PTPRR: variants seen among roughly 807,000 people sequenced by gnomAD.
PTPRR encodes the protein receptor-type tyrosine-protein phosphatase R.
In PTPRR, 38 loss-of-function variants were observed where a neutral mutation model predicts 77.2. The observed-to-expected ratio is 0.49, with a 90% confidence interval of 0.38 to 0.65. The LOEUF is 0.65. PTPRR is among the 30% of genes least tolerant of loss of function. PTPRR has a pLI of 0.00. For missense variants in PTPRR, 744 were observed against 799.2 expected (o/e 0.93, Z 0.83); for synonymous variants, 299 against 283.1 (o/e 1.06, Z -0.57).
rs569672946 is a variant in PTPRR, at chr12:70,920,626, T to C, written c.-236A>G. ...TTGCGGGTAAGGGGAACAGAAGCGCTCAGAGGCGGCAAATGCCTGGCCTTC... is the reference window on the plus strand; with the variant it reads ...TTGCGGGTAAGGGGAACAGAAGCGCCCAGAGGCGGCAAATGCCTGGCCTTC... On this transcript the variant is annotated 5_prime_UTR_variant, in exon 1 of 14. Transcript: ENST00000283228. 2.2e-6 allele frequency: 1 copy of C among 452,302 alleles called. No homozygotes were observed. Among genetic ancestry groups the C allele is most frequent in the South Asian group, 2.6e-5 (1 of 39,168 alleles). 28.0% of individuals were successfully genotyped at this position (452,302 alleles called of 1,614,324 possible).
Position 70,866,492 on chromosome 12 carries a change from A to T in PTPRR, c.357+26187T>A, listed in dbSNP as rs993657526. ...CCAAGACTAAACCAGGAAGAAGTTG[A>T]ATCCCTGAATAGACCAATAACAGGC... On this transcript the variant is annotated intron_variant, in intron 2 of 13. Transcript: ENST00000283228. Among the ~76,000 whole-genome samples the T allele has an allele frequency of 6.6e-5, 10 of 152,314 alleles. No homozygotes were observed. The East Asian group carries it at 1.5e-3, about 24-fold the overall frequency.
chr12:70,899,726 A>C (rs1038048179), intron 1 of PTPRR, among the ~76,000 whole-genome samples: 1 of 151,326 alleles, frequency 6.6e-6, no homozygotes, highest in African/African-American at 2.4e-5. Context: ...GAGACAAAGA[A>C]AAGGAGCAAA....
intron 8 of PTPRR, among the ~76,000 whole-genome samples, chr12:70,691,041 A>G (rs1888037872): frequency 6.6e-6 from 1 of 152,110 alleles, no homozygotes; most frequent in African/African-American, 2.4e-5. Context: ...GGTCAGTTCT[A>G]TATATCCTTC....
chr12:70,847,204 A>G (rs182489861), intron 2 of PTPRR, among the ~76,000 whole-genome samples: 27 of 152,336 alleles, frequency 1.8e-4, no homozygotes, highest in Middle Eastern at 6.8e-3. Flanking sequence ...AATGGTGCCT[A>G]TATCACAGGA....
At chr12:70,890,866 G>C (rs927001598) in intron 2 of PTPRR, among the ~76,000 whole-genome samples, 1 of 152,040 alleles carries the variant, frequency 6.6e-6, no homozygotes. Context: ...TCCATTTTCT[G>C]TATGGAATGG....
rs908933295 is a variant in PTPRR, at chr12:70,787,970, A to G, written c.358-23192T>C. Reference sequence around the variant, plus strand: ...TATTGTTTTTAAATATTGAAACTAAATTCTTATTTTTAATCTTTGTTGTCC... The same window carrying G: ...TATTGTTTTTAAATATTGAAACTAAGTTCTTATTTTTAATCTTTGTTGTCC... On this transcript the variant is annotated intron_variant, in intron 2 of 13. Transcript: ENST00000283228. Among the ~76,000 whole-genome samples, 7 of 152,236 alleles carry G rather than the reference A, an allele frequency of 4.6e-5. No homozygotes were observed. In the South Asian group the frequency reaches 1.4e-3, roughly 32 times the overall value.
At chr12:70,798,285 C>T (rs1891551137) in intron 2 of PTPRR, among the ~76,000 whole-genome samples, 1 of 152,156 alleles carries the variant, frequency 6.6e-6, no homozygotes, top group South Asian at 2.1e-4. Context: ...TTATCTGTCT[C>T]CACTGTCAGC....
At chr12:70,912,576 T>C (rs1565739143) in intron 1 of PTPRR, among the ~76,000 whole-genome samples, 2 of 152,162 alleles carry the variant, frequency 1.3e-5, no homozygotes, top group African/African-American at 4.8e-5. Context: ...ATATAAATAA[T>C]AGTTTTGCTT....
intron 2 of PTPRR, among the ~76,000 whole-genome samples, chr12:70,773,980 G>A (rs889586565): frequency 6.6e-6 from 1 of 152,142 alleles, no homozygotes; most frequent in African/African-American, 2.4e-5. Context: ...CATCTACCTG[G>A]CATACCTGGG....
At position 70,761,545 on chromosome 12, in the gene PTPRR, C is replaced by A. The variant is rs749510098; in HGVS notation, c.553G>T (p.Val185Phe). Residue 185 changes from valine (V) to phenylalanine (F), a missense_variant, in exon 4 of 14, where the codon GTT becomes TTT. Physicochemically the swap from Val to Phe is conservative, Grantham distance 50 (BLOSUM62 -1). Around this residue, in one of 3 missense-constraint regions of PTPRR, gnomAD observed 570 missense variants for 573.2 expected, o/e 0.99. Transcript: ENST00000283228. The part of the protein sequence containing the change: ...GISDALPSEE[V>F]LRSLNINVLH... ...ACATTGATATTAAGTGAACGAAGAA[C>A]TTCCTCAGAGGGCAGAGCATCAGAA... 6.2e-7 allele frequency: 1 copy of A among 1,612,628 alleles called. No individual in the cohort carries two copies. The highest frequency in any genetic ancestry group is 8.5e-7 in the Non-Finnish European group (1 of 1,179,180).
intron 4 of PTPRR, among the ~76,000 whole-genome samples, chr12:70,759,737 A>G (rs1254651605): frequency 4.6e-5 from 7 of 151,664 alleles, no homozygotes; most frequent in Non-Finnish European, 1.0e-4. Context: ...GAAACAACAC[A>G]TACAAAAGCA....
chr12:70,898,859 A>G (rs1174780919), intron 1 of PTPRR, among the ~76,000 whole-genome samples: 3 of 151,510 alleles, frequency 2.0e-5, no homozygotes, highest in Non-Finnish European at 4.4e-5. Flanking sequence ...AGAAAGAGAG[A>G]AACACAAATT....
chr12:70,840,730 A>G (rs1337374886), intron 2 of PTPRR, among the ~76,000 whole-genome samples: 4 of 152,148 alleles, frequency 2.6e-5, no homozygotes, highest in Non-Finnish European at 4.4e-5. Context: ...ACTATGTCGA[A>G]AGGTCTGGGA....
At chr12:70,881,018 AT>A (rs568917811) in intron 2 of PTPRR, among the ~76,000 whole-genome samples, 95 of 152,282 alleles carry the variant, frequency 6.2e-4, no homozygotes, top group Non-Finnish European at 1.2e-3. Flanking sequence ...ATGACTGCTG[AT>A]TTTTTAAAGC....
At chr12:70,775,914 C>G (rs1276900447) in intron 2 of PTPRR, among the ~76,000 whole-genome samples, 1 of 152,136 alleles carries the variant, frequency 6.6e-6, no homozygotes, top group Admixed American at 6.5e-5. Flanking sequence ...GAACGCTGAC[C>G]TGTTAGAGAC....
At chr12:70,846,474 A>G (rs1023844639) in intron 2 of PTPRR, among the ~76,000 whole-genome samples, 2 of 152,322 alleles carry the variant, frequency 1.3e-5, no homozygotes, top group Middle Eastern at 3.4e-3. Context: ...GTTACGAAGA[A>G]GAAAGCGTAT....
At chr12:70,882,314 T>C (rs1893162816) in intron 2 of PTPRR, among the ~76,000 whole-genome samples, 1 of 152,136 alleles carries the variant, frequency 6.6e-6, no homozygotes, top group African/African-American at 2.4e-5. Flanking sequence ...TTGCACCCCA[T>C]CACTAGCTAT....
intron 6 of PTPRR, among the ~76,000 whole-genome samples, chr12:70,724,937 T>C (rs1312218456): frequency 3.9e-5 from 6 of 152,196 alleles, no homozygotes; most frequent in Non-Finnish European, 7.3e-5. Flanking sequence ...TTCTATAAGA[T>C]GTGTTATTTG....
chr12:70,813,655 T>A (rs1452907790), intron 2 of PTPRR, among the ~76,000 whole-genome samples: 1 of 152,126 alleles, frequency 6.6e-6, no homozygotes, highest in Non-Finnish European at 1.5e-5. Flanking sequence ...AGGACAGTGA[T>A]CCTTGAGAGG....
Sources: allele counts gnomAD v4.1 joint callset (sites outside exome capture counted in the v4.1 genomes callset), GRCh38; gene constraint gnomAD v4.1.1; regional missense constraint gnomAD v4.1.1; transcripts MANE v1.5; gene names NCBI Gene and HGNC (gene_info 2026-07-23, HGNC 2026-07-21).